The following SORCS2 variants were observed in gnomAD, a reference collection of about 807,000 sequenced individuals.
SORCS2 encodes the protein sortilin related VPS10 domain containing receptor 2, also known as VPS10 domain-containing receptor SorCS2.
A neutral mutation model predicts 141.6 loss-of-function variants in SORCS2; 100 were observed. That is an observed-to-expected ratio of 0.71 (90% CI 0.60 to 0.83). The LOEUF (loss-of-function observed/expected upper bound fraction) is 0.83, where lower values mean the gene tolerates loss of function less well. Ranked by LOEUF, SORCS2 falls within the 40% of genes least tolerant of loss-of-function variation. The pLI, the probability that SORCS2 is intolerant of heterozygous loss-of-function variation, is 0.00. For missense variants in SORCS2, 1,646 were observed against 1,560.2 expected, an observed-to-expected ratio of 1.05 and a Z score of -0.93; for synonymous variants, 789 against 676.9, an observed-to-expected ratio of 1.17 and a Z score of -2.57.
At chr4:7,475,549 C>T (rs73212553) in intron 2 of SORCS2, among the ~76,000 whole-genome samples, 1 of 152,114 alleles carries the variant, frequency 6.6e-6, no homozygotes, top group African/African-American at 2.4e-5. Flanking sequence ...CAGCTGCCCC[C>T]CTCCTGCCAC....
intron 1 of SORCS2, among the ~76,000 whole-genome samples, chr4:7,262,432 A>G (rs933854961): frequency 7.7e-6 from 1 of 129,680 alleles, no homozygotes; most frequent in African/African-American, 2.8e-5. Context: ...CCATCCATCC[A>G]TGGCCTATTC....
chr4:7,416,204 T>C (rs1405265784), intron 2 of SORCS2, among the ~76,000 whole-genome samples: 1 of 152,078 alleles, frequency 6.6e-6, no homozygotes, highest in Non-Finnish European at 1.5e-5. Flanking sequence ...GTTAGGCTTG[T>C]GGACTCGAGC....
chr4:7,382,658 C>G (rs921445203), intron 1 of SORCS2, among the ~76,000 whole-genome samples: 5 of 152,120 alleles, frequency 3.3e-5, no homozygotes, highest in Non-Finnish European at 7.3e-5. Flanking sequence ...TGACAAAACT[C>G]CTGCCCTGGG....
chr4:7,324,022 G>C (rs1018595602), intron 1 of SORCS2, among the ~76,000 whole-genome samples: 4 of 152,172 alleles, frequency 2.6e-5, no homozygotes, highest in Non-Finnish European at 5.9e-5. Flanking sequence ...CCATCCTTAC[G>C]CGATGGGTCT....
At chr4:7,240,400 A>G (rs996323194) in intron 1 of SORCS2, among the ~76,000 whole-genome samples, 2 of 152,202 alleles carry the variant, frequency 1.3e-5, no homozygotes, top group Admixed American at 6.5e-5. Context: ...TTTGATACGT[A>G]ACGCGGGGCC....
At chr4:7,532,171 A>T (rs931848733) in intron 3 of SORCS2, among the ~76,000 whole-genome samples, 3 of 152,156 alleles carry the variant, frequency 2.0e-5, no homozygotes, top group African/African-American at 7.2e-5. Flanking sequence ...CCGTGAGAAG[A>T]GCCCTCCTGC....
chr4:7,348,792 A>T (rs915886199), intron 1 of SORCS2, among the ~76,000 whole-genome samples: 1 of 152,172 alleles, frequency 6.6e-6, no homozygotes, highest in African/African-American at 2.4e-5. Flanking sequence ...ACCTAAGGTG[A>T]TCCACCCACG....
intron 1 of SORCS2, among the ~76,000 whole-genome samples, chr4:7,374,827 C>T (rs1029068647): frequency 1.3e-5 from 2 of 152,232 alleles, no homozygotes; most frequent in South Asian, 2.1e-4. Flanking sequence ...CTGGGTAGAC[C>T]GCGGGTGGGG....
chr4:7,602,164 G>T (rs896314917), intron 3 of SORCS2, among the ~76,000 whole-genome samples: 1 of 152,226 alleles, frequency 6.6e-6, no homozygotes, highest in Non-Finnish European at 1.5e-5. Context: ...ATCATGGCCC[G>T]TTCTCAATGG....
Position 7,501,289 on chromosome 4 carries a change from G to T in SORCS2, c.549-30241G>T, listed in dbSNP as rs73098000. Among the ~76,000 whole-genome samples, 425 of 152,296 alleles carry T rather than the reference G, an allele frequency of 2.8e-3. 8 individuals are homozygous for T. The highest frequency in any genetic ancestry group is 0.01 in the Middle Eastern group (3 of 294). On this transcript the variant is annotated intron_variant, in intron 2 of 26. Coordinates refer to ENST00000507866, the MANE Select transcript of SORCS2 (RefSeq NM_020777.3). ...TTACAAAGAACCTTGCTCTGTTCTT[G>T]GTTCCTTGGTTGCAATCAATCCTGA...
At chr4:7,636,778 T>A (rs1483206653) in intron 3 of SORCS2, among the ~76,000 whole-genome samples, 1 of 152,042 alleles carries the variant, frequency 6.6e-6, no homozygotes, top group Non-Finnish European at 1.5e-5. Flanking sequence ...TTGGAGGAGC[T>A]ATTGTGTGTG....
chr4:7,430,582 TGCTCG>T (rs1356544140), intron 2 of SORCS2: 1 of 152,028 alleles, frequency 6.6e-6, no homozygotes, highest in Non-Finnish European at 1.5e-5. Flanking sequence ...TGCAGGTACT[TGCTCG>T]GCTCTGGCAG....
chr4:7,591,869 C>T (rs1294911996), intron 3 of SORCS2, among the ~76,000 whole-genome samples: 1 of 152,138 alleles, frequency 6.6e-6, no homozygotes, highest in South Asian at 2.1e-4. Flanking sequence ...GGTGTTTGTG[C>T]TTATCTGGGA....
intron 2 of SORCS2, among the ~76,000 whole-genome samples, chr4:7,451,573 A>C (rs1301928592): frequency 6.6e-6 from 1 of 152,240 alleles, no homozygotes; most frequent in Non-Finnish European, 1.5e-5. Context: ...ACATGCCCCC[A>C]CTGGGCCATT....
chr4:7,573,728 C>T (rs1450142093), intron 3 of SORCS2, among the ~76,000 whole-genome samples: 1 of 152,210 alleles, frequency 6.6e-6, no homozygotes, highest in Non-Finnish European at 1.5e-5. Context: ...AAAATCTTTA[C>T]ACAGCACATA....
At chr4:7,348,828 C>T (rs1052214427) in intron 1 of SORCS2, among the ~76,000 whole-genome samples, 2 of 152,234 alleles carry the variant, frequency 1.3e-5, no homozygotes, top group Non-Finnish European at 2.9e-5. Flanking sequence ...GCAGGGATTA[C>T]AGGCATGAGC....
chr4:7,658,863 G>T (rs1721967027), intron 5 of SORCS2, among the ~76,000 whole-genome samples: 1 of 152,210 alleles, frequency 6.6e-6, no homozygotes, highest in Admixed American at 6.5e-5. Flanking sequence ...GGCCATGGGG[G>T]ACTGGGCACT....
chr4:7,572,246 A>G (rs1715453642), intron 3 of SORCS2, among the ~76,000 whole-genome samples: 1 of 152,162 alleles, frequency 6.6e-6, no homozygotes, highest in Non-Finnish European at 1.5e-5. Flanking sequence ...CACTTTCCCC[A>G]TTACTAAAAA....
intron 2 of SORCS2, chr4:7,434,350 T>A (rs1376617250): frequency 1.2e-6 from 2 of 1,608,304 alleles, no homozygotes; most frequent in African/African-American, 2.7e-5. Flanking sequence ...TTCAGGCGCC[T>A]GGCGGGGGTG....
Sources: allele counts gnomAD v4.1 joint callset (sites outside exome capture counted in the v4.1 genomes callset), GRCh38; gene constraint gnomAD v4.1.1; transcripts MANE v1.5; gene names NCBI Gene and HGNC (gene_info 2026-07-23, HGNC 2026-07-21).